ZFHX3: variants seen among roughly 807,000 people sequenced by gnomAD.
ZFHX3 encodes zinc finger homeobox 3.
ZFHX3 carries 42 observed loss-of-function variants against 279.1 expected under a neutral mutation model. The observed-to-expected ratio is 0.15, with a 90% confidence interval of 0.12 to 0.19. The LOEUF (loss-of-function observed/expected upper bound fraction) is 0.19. Ranked by LOEUF, ZFHX3 falls within the 10% of genes least tolerant of loss-of-function variation. ZFHX3 has a pLI of 1.00. For missense variants in ZFHX3, 4,981 were observed against 4,754.0 expected (o/e 1.05, Z -1.40); for synonymous variants, 2,293 against 1,957.8 (o/e 1.17, Z -4.52).
At chr16:73,649,535 G>A (rs186188525) in intron 2 of ZFHX3, among the ~76,000 whole-genome samples, 1 of 152,112 alleles carries the variant, frequency 6.6e-6, no homozygotes, top group African/African-American at 2.4e-5. Flanking sequence ...TCTTGGTTTT[G>A]CTTATTTATA....
chr16:73,315,564 C>A (rs2015426458), intron 4 of ZFHX3, among the ~76,000 whole-genome samples: 1 of 151,636 alleles, frequency 6.6e-6, no homozygotes, highest in African/African-American at 2.4e-5. Flanking sequence ...ACAACACAGA[C>A]AAAAGCTGCA....
At chr16:72,846,343 G>T (rs553517858) in intron 4 of ZFHX3, among the ~76,000 whole-genome samples, 2 of 152,368 alleles carry the variant, frequency 1.3e-5, no homozygotes, top group African/African-American at 4.8e-5. Flanking sequence ...CAAAGACCCA[G>T]GGCACAGAAG....
At chr16:73,601,164 T>A (rs115844592) in intron 2 of ZFHX3, among the ~76,000 whole-genome samples, 4,514 of 152,088 alleles carry the variant, frequency 0.03, 236 homozygotes, top group African/African-American at 0.1. Flanking sequence ...TATTTAACAA[T>A]TGTTTGGGCC....
At chr16:73,351,846 C>T (rs1162721871) in intron 3 of ZFHX3, among the ~76,000 whole-genome samples, 1 of 152,206 alleles carries the variant, frequency 6.6e-6, no homozygotes, top group Non-Finnish European at 1.5e-5. Context: ...GACTGTCACT[C>T]AAAGCCTCTG....
intron 4 of ZFHX3, among the ~76,000 whole-genome samples, chr16:72,883,864 CA>C (rs1382869431): frequency 1.3e-5 from 2 of 152,214 alleles, no homozygotes; most frequent in Admixed American, 1.3e-4. Context: ...ATACCTTCCC[CA>C]AACCCGGTAA....
At chr16:73,322,645 T>A (rs1402697041) in intron 3 of ZFHX3, among the ~76,000 whole-genome samples, 1 of 152,158 alleles carries the variant, frequency 6.6e-6, no homozygotes. Context: ...GAACTCCAAA[T>A]GTGTGGTGAG....
At chr16:73,597,424 G>A (rs2143854462) in intron 2 of ZFHX3, among the ~76,000 whole-genome samples, 1 of 152,310 alleles carries the variant, frequency 6.6e-6, no homozygotes, top group Admixed American at 6.5e-5. Flanking sequence ...TGTGTACTGG[G>A]TTGAATAGTG....
At chr16:73,774,130 TA>T (rs35937157) in intron 1 of ZFHX3, among the ~76,000 whole-genome samples, 40 of 146,288 alleles carry the variant, frequency 2.7e-4, no homozygotes, top group East Asian at 7.9e-4. Context: ...ATACTGTCTC[TA>T]AAAAAAAAAA....
chr16:72,793,137 CT>C lies in ZFHX3; in HGVS notation c.9427+117del. On this transcript the variant is annotated intron_variant, in intron 9 of 9. Coordinates refer to ENST00000268489, the MANE Select transcript of ZFHX3 (RefSeq NM_006885.4). This position sits in a 1 kb window ranked among gnomAD's most constrained non-coding sequence, Gnocchi z 4.3. ...CTGAAGTCTTGTTGCTTTTAAAGAA[CT>C]AGAAAGGTAAGCTTCCCATCTGCCC... is the stretch of plus-strand genomic sequence containing the variant. 6.7e-7 allele frequency: 1 copy of C among 1,492,766 alleles called. No individual in the cohort carries two copies. The highest frequency in any genetic ancestry group is 8.9e-7 in the Non-Finnish European group (1 of 1,120,696). The allele number at this position is 1,492,766 out of a possible 1,614,324, so 92.5% of individuals were successfully genotyped here.
chr16:73,099,007 A>G (rs1308555656), intron 7 of ZFHX3: 1 of 152,246 alleles, frequency 6.6e-6, no homozygotes, highest in Non-Finnish European at 1.5e-5. Flanking sequence ...CAGCCGGAGC[A>G]GAGGTTGTCA....
chr16:73,191,602 C>T (rs992765300), intron 5 of ZFHX3, among the ~76,000 whole-genome samples: 3 of 152,224 alleles, frequency 2.0e-5, no homozygotes, highest in Admixed American at 6.5e-5. Flanking sequence ...GTTTGGTCAC[C>T]TCCATCCTAC....
At chr16:73,622,511 G>A (rs905753589) in intron 2 of ZFHX3, among the ~76,000 whole-genome samples, 5 of 152,074 alleles carry the variant, frequency 3.3e-5, no homozygotes, top group Admixed American at 1.3e-4. Flanking sequence ...GCAGTGAGCC[G>A]AGATCGTGCC....
intron 6 of ZFHX3, among the ~76,000 whole-genome samples, chr16:73,136,725 CAAAAAAAA>C (rs397855836): frequency 4.8e-5 from 2 of 41,620 alleles, no homozygotes; most frequent in Non-Finnish European, 8.4e-5. Context: ...GACTCTGCCT[CAAAAAAAA>C]AAAAAAAAAA....
At chr16:72,882,250 G>A (rs1210418318) in intron 4 of ZFHX3, among the ~76,000 whole-genome samples, 4 of 145,496 alleles carry the variant, frequency 2.7e-5, no homozygotes, top group Non-Finnish European at 5.9e-5. Flanking sequence ...GCTTCTCCCA[G>A]TGGGCAGCGT....
At chr16:73,722,078 T>C (rs556201649) in intron 1 of ZFHX3, among the ~76,000 whole-genome samples, 1 of 152,274 alleles carries the variant, frequency 6.6e-6, no homozygotes, top group South Asian at 2.1e-4. Context: ...CAGAACATTA[T>C]TCATCCATTT....
chr16:72,916,491 T>A (rs2039446334), intron 3 of ZFHX3, among the ~76,000 whole-genome samples: 1 of 152,200 alleles, frequency 6.6e-6, no homozygotes, highest in Non-Finnish European at 1.5e-5. Flanking sequence ...GAGACAGAAG[T>A]CATGCCTATC....
rs749843457 is a variant in ZFHX3 at position 72,787,242 on chromosome 16, C to T, written c.11034G>A (p.Pro3678=). Residue 3678 remains proline (P), a synonymous_variant, in exon 10 of 10, where the codon CCG becomes CCA. Coordinates refer to ENST00000268489, the MANE Select transcript of ZFHX3 (RefSeq NM_006885.4). The part of the protein sequence containing the change: ...LSQKSDGPAS[P]VEGPKDPSCP... ...AGCTGGGGTCTTTGGGACCCTCCAC[C>T]GGGCTCGCCGGTCCGTCGGACTTTT... 2.5e-6 allele frequency: 4 copies of T among 1,614,052 alleles called. No individual in the cohort carries two copies. In the South Asian group the frequency reaches 4.4e-5, roughly 18 times the overall value.
intron 1 of ZFHX3, among the ~76,000 whole-genome samples, chr16:73,883,036 A>C (rs1052699947): frequency 1.3e-5 from 2 of 151,950 alleles, no homozygotes; most frequent in Non-Finnish European, 2.9e-5. Flanking sequence ...TTTTTAAAAA[A>C]AAAAATAGTC....
intron 5 of ZFHX3, among the ~76,000 whole-genome samples, chr16:73,200,716 T>C (rs1968252033): frequency 6.6e-6 from 1 of 152,138 alleles, no homozygotes; most frequent in Non-Finnish European, 1.5e-5. Context: ...AAGCTTAAAG[T>C]GAATTTAGAA....
Sources: gnomAD v4.1 joint callset for allele counts (sites outside exome capture counted in the v4.1 genomes callset) on GRCh38, gnomAD v4.1.1 for gene constraint, Gnocchi (gnomAD v3.1) non-coding constraint, MANE v1.5 for transcripts, NCBI Gene and HGNC (gene_info 2026-07-23, HGNC 2026-07-21) for gene names.